Variants in ST6GAL2 observed in about 807,000 individuals in gnomAD.
ST6GAL2 encodes the protein ST6 beta-galactoside alpha-2,6-sialyltransferase 2, also known as beta-galactoside alpha-2,6-sialyltransferase 2.
ST6GAL2 carries 24 observed loss-of-function variants against 37.5 expected under a neutral mutation model. That is an observed-to-expected ratio of 0.64 (90% CI 0.46 to 0.90). ST6GAL2 has a LOEUF of 0.90. ST6GAL2 is among the 40% of genes least tolerant of loss of function. The pLI, the probability that ST6GAL2 is intolerant of heterozygous loss-of-function variation, is 0.00. For synonymous variants in ST6GAL2, 306 were observed against 295.1 expected (o/e 1.04, Z -0.38); for missense variants, 715 against 712.7 (o/e 1.00, Z -0.04).
intron 5 of ST6GAL2, among the ~76,000 whole-genome samples, chr2:106,816,256 T>C (rs992874197): frequency 2.0e-5 from 3 of 152,206 alleles, no homozygotes; most frequent in Admixed American, 2.0e-4. Context: ...TTTGGACACA[T>C]ACTTATGTGA....
intron 1 of ST6GAL2, among the ~76,000 whole-genome samples, chr2:106,865,340 T>G (rs991946390): frequency 6.6e-6 from 1 of 152,208 alleles, no homozygotes; most frequent in Non-Finnish European, 1.5e-5. Context: ...GCTTTATTTA[T>G]GCAGGACCCT....
At chr2:106,824,831 TTCCTGTG>T (rs2104449974) in intron 5 of ST6GAL2, 2 of 152,374 alleles carry the variant, frequency 1.3e-5, no homozygotes, top group East Asian at 3.9e-4. Flanking sequence ...TTATTCAAGA[TTCCTGTG>T]TCCTCTACTG....
chr2:106,875,174 C>CTTT (rs11330010), intron 1 of ST6GAL2, among the ~76,000 whole-genome samples: 45 of 128,948 alleles, frequency 3.5e-4, no homozygotes, highest in Admixed American at 9.3e-4. Context: ...TTTTTTGTTT[C>CTTT]TTTTTTTTTT....
At chr2:106,880,335 A>G (rs538104775) in intron 1 of ST6GAL2, among the ~76,000 whole-genome samples, 1 of 152,314 alleles carries the variant, frequency 6.6e-6, no homozygotes, top group Admixed American at 6.5e-5. Context: ...GGCTGACCTA[A>G]AACATCTCAA....
At chr2:106,852,101 C>T (rs1198519582) in intron 1 of ST6GAL2, among the ~76,000 whole-genome samples, 2 of 152,218 alleles carry the variant, frequency 1.3e-5, no homozygotes, top group Admixed American at 1.3e-4. Context: ...AAAGGCAGAA[C>T]ACCAAAGAGG....
intron 1 of ST6GAL2, among the ~76,000 whole-genome samples, chr2:106,875,174 C>CTT (rs11330010): frequency 1.8e-3 from 228 of 128,944 alleles, no homozygotes; most frequent in African/African-American, 6.7e-3. Flanking sequence ...TTTTTTGTTT[C>CTT]TTTTTTTTTT....
At chr2:106,833,935 G>A (rs1382439937) in intron 3 of ST6GAL2, 114 bp downstream of exon 3, 5 of 660,418 alleles carry the variant, frequency 7.6e-6, no homozygotes, top group Admixed American at 4.9e-5. Flanking sequence ...CAAGTACCAC[G>A]GTCATAATTA....
At position 106,877,613 on chromosome 2, in the gene ST6GAL2, G is replaced by T. The variant is rs182161684; in HGVS notation, c.-58+8480C>A. Among the ~76,000 whole-genome samples the T allele has an allele frequency of 2.6e-5, 4 of 152,332 alleles. No individual in the cohort carries two copies. The East Asian group carries it at 7.7e-4, about 29-fold the overall frequency. ...AGAAAATTTTATTTTGAAGTACACA[G>T]TTGAACATGCCAAGAGGCTTAACCA... On this transcript the variant is annotated intron_variant, in intron 1 of 5. Coordinates refer to ENST00000409382, the MANE Select transcript of ST6GAL2 (RefSeq NM_001142351.2).
At chr2:106,845,546 C>T in intron 1 of ST6GAL2, among the ~76,000 whole-genome samples, 1 of 152,296 alleles carries the variant, frequency 6.6e-6, no homozygotes, top group South Asian at 2.1e-4. Context: ...AATGCCAAAA[C>T]ACAAAGGCAT....
At chr2:106,855,627 T>C (rs1677544672) in intron 1 of ST6GAL2, among the ~76,000 whole-genome samples, 1 of 152,148 alleles carries the variant, frequency 6.6e-6, no homozygotes, top group Admixed American at 6.5e-5. Flanking sequence ...TATGGCAAAA[T>C]ATTAATATGT....
intron 5 of ST6GAL2, among the ~76,000 whole-genome samples, chr2:106,816,907 G>A (rs1375001): frequency 1.4e-4 from 21 of 152,030 alleles, no homozygotes; most frequent in African/African-American, 5.1e-4. Flanking sequence ...GTGCACTTGT[G>A]GGGAGGGAAA....
chr2:106,849,289 A>T lies in ST6GAL2; in HGVS notation c.-57-5255T>A, dbSNP rs371326597. Among the ~76,000 whole-genome samples, 36 of 152,214 alleles carry T rather than the reference A, an allele frequency of 2.4e-4. No homozygotes were observed. The South Asian group carries it at 6.2e-3, about 26-fold the overall frequency. Reference sequence around the variant, plus strand: ...GACCCCAGAGAAACATGAAAAACTGAATTTCCAGTCATGACTGGAAGGGAG... The same window carrying T: ...GACCCCAGAGAAACATGAAAAACTGTATTTCCAGTCATGACTGGAAGGGAG... On this transcript the variant is annotated intron_variant, in intron 1 of 5. Coordinates refer to ENST00000409382, the MANE Select transcript of ST6GAL2 (RefSeq NM_001142351.2).
intron 1 of ST6GAL2, among the ~76,000 whole-genome samples, chr2:106,849,390 C>G (rs1677267536): frequency 6.6e-6 from 1 of 152,130 alleles, no homozygotes; most frequent in Admixed American, 6.5e-5. Flanking sequence ...TTAACATAGA[C>G]ATCATAAGCT....
At position 106,802,534 on chromosome 2, in the gene ST6GAL2, T is replaced by G. The variant is rs1374085339; in HGVS notation, c.*4144A>C. 1 of 152,204 alleles carries G rather than the reference T, an allele frequency of 6.6e-6. No homozygotes were observed. The highest frequency in any genetic ancestry group is 1.5e-5 in the Non-Finnish European group (1 of 68,040). 9.4% of individuals were successfully genotyped at this position (152,204 alleles called of 1,614,324 possible). A position where few individuals can be genotyped will look rare whatever the true frequency, so the allele number is the denominator to read the frequency against. On this transcript the variant is annotated 3_prime_UTR_variant, in exon 6 of 6. Transcript: ENST00000409382. The stretch of plus-strand genomic sequence containing the variant: ...GAACGGACAGAGAAATACCTTTCAT[T>G]TATCAAGTGTGTAAATAATGCCCAT...
intron 1 of ST6GAL2, among the ~76,000 whole-genome samples, chr2:106,857,197 G>T (rs1417235161): frequency 3.3e-5 from 5 of 152,146 alleles, no homozygotes; most frequent in Non-Finnish European, 5.9e-5. Context: ...CTAACATCTT[G>T]CTTTTTATGA....
intron 5 of ST6GAL2, among the ~76,000 whole-genome samples, chr2:106,810,699 C>A (rs746298963): frequency 6.6e-6 from 1 of 152,224 alleles, no homozygotes; most frequent in Non-Finnish European, 1.5e-5. Flanking sequence ...CCTGGAATCC[C>A]AGTACTTTGG....
intron 4 of ST6GAL2, among the ~76,000 whole-genome samples, chr2:106,831,564 A>G (rs1032989780): frequency 6.6e-6 from 1 of 152,208 alleles, no homozygotes; most frequent in African/African-American, 2.4e-5. Context: ...CTCAAAAAAT[A>G]TACATTGAGG....
intron 1 of ST6GAL2, among the ~76,000 whole-genome samples, chr2:106,866,782 G>A (rs931836930): frequency 3.3e-5 from 5 of 152,162 alleles, no homozygotes; most frequent in Non-Finnish European, 5.9e-5. Context: ...GGTAAAACAC[G>A]CATGTATCAA....
At chr2:106,840,454 T>C (rs1029974322) in intron 2 of ST6GAL2, among the ~76,000 whole-genome samples, 1 of 152,216 alleles carries the variant, frequency 6.6e-6, no homozygotes, top group East Asian at 1.9e-4. Context: ...CAAATGAAAC[T>C]TTTTGTTTAT....
Sources: gnomAD v4.1 joint callset for allele counts (sites outside exome capture counted in the v4.1 genomes callset) on GRCh38, gnomAD v4.1.1 for gene constraint, MANE v1.5 for transcripts, NCBI Gene and HGNC (gene_info 2026-07-23, HGNC 2026-07-21) for gene names.